The following IP6K1 variants were observed in gnomAD, a reference collection of about 807,000 sequenced individuals.
IP6K1 encodes inositol hexakisphosphate kinase 1.
A neutral mutation model predicts 38.3 loss-of-function variants in IP6K1; 13 were observed. The observed-to-expected ratio is 0.34, with a 90% CI of 0.22 to 0.54. The LOEUF (loss-of-function observed/expected upper bound fraction) is 0.54, where lower values mean the gene tolerates loss of function less well. Among genes scored for constraint, IP6K1 ranks in the 20% least tolerant of loss-of-function variants. The probability of loss-of-function intolerance (pLI) is 0.92; values close to 1 mark genes in which losing one functional copy is unlikely to be tolerated. For missense variants in IP6K1, 397 were observed against 599.8 expected (o/e 0.66, Z 3.53); for synonymous variants, 212 against 229.9 (o/e 0.92, Z 0.70).
Position 49,771,083 on chromosome 3 carries a change from C to T in IP6K1, c.-129+15271G>A, listed in dbSNP as rs543898736. Among the ~76,000 whole-genome samples, 19 of 151,320 alleles carry T rather than the reference C, an allele frequency of 1.3e-4. No homozygotes were observed. The South Asian group carries it at 2.3e-3, about 18-fold the overall frequency. On this transcript the variant is annotated intron_variant, in intron 1 of 5. Coordinates refer to ENST00000321599, the MANE Select transcript of IP6K1 (RefSeq NM_153273.4). Reference sequence around the variant, plus strand: ...ACACTAAGTTATGATCACGCTACTACACTCCAGCCTGGGCAACAGAGCAAG... The same window carrying T: ...ACACTAAGTTATGATCACGCTACTATACTCCAGCCTGGGCAACAGAGCAAG...
At position 49,738,995 on chromosome 3, in the gene IP6K1, G is replaced by A. The variant is rs527624784; in HGVS notation, c.224-573C>T. On this transcript the variant is annotated intron_variant, in intron 2 of 5. Transcript: ENST00000321599. The stretch of plus-strand genomic sequence containing the variant: ...TCCTTCTGTTTGCCGTGCTGTATCC[G>A]TAATAGTTTTTTGTGCCCATTTTAA... Among the ~76,000 whole-genome samples, 16 of 152,260 alleles carry A rather than the reference G, an allele frequency of 1.1e-4. No homozygotes were observed. In the Middle Eastern group the frequency reaches 0.017, roughly 162 times the overall value.
At chr3:49,732,539 A>G (rs1281059169) in intron 4 of IP6K1, among the ~76,000 whole-genome samples, 1 of 152,232 alleles carries the variant, frequency 6.6e-6, no homozygotes, top group Non-Finnish European at 1.5e-5. Context: ...TGAAAAGCAC[A>G]CAGAATTACA....
At chr3:49,774,815 ACT>A (rs1369911586) in intron 1 of IP6K1, among the ~76,000 whole-genome samples, 1 of 152,158 alleles carries the variant, frequency 6.6e-6, no homozygotes, top group Non-Finnish European at 1.5e-5. Context: ...GTTATTGAAT[ACT>A]GAGTCACTGC....
intron 4 of IP6K1, 101 bp from the exon 5 acceptor site, chr3:49,728,379 AG>A: frequency 9.2e-7 from 1 of 1,084,038 alleles, no homozygotes; most frequent in Non-Finnish European, 1.4e-6. Context: ...TACCTAATGC[AG>A]TATGTACTTG....
At chr3:49,761,589 G>A (rs1260515654) in intron 1 of IP6K1, among the ~76,000 whole-genome samples, 2 of 149,484 alleles carry the variant, frequency 1.3e-5, no homozygotes, top group Non-Finnish European at 3.0e-5. Context: ...ACTCCAGCCT[G>A]GGCAACAGCG....
intron 2 of IP6K1, among the ~76,000 whole-genome samples, chr3:49,743,840 G>A (rs1055316420): frequency 4.0e-5 from 6 of 151,526 alleles, no homozygotes; most frequent in Non-Finnish European, 7.4e-5. Context: ...GGCTGGTCTC[G>A]AACTCCTGAC....
At position 49,727,867 on chromosome 3, in the gene IP6K1, G is replaced by C. The variant is rs1437476104; in HGVS notation, c.793-212C>G. ...CAGGCCTATGGGTTCCCTGCCCCCA[G>C]CTTTGGAGCCCTCCTCCAACATCGG... On this transcript the variant is annotated intron_variant, in intron 5 of 5. Coordinates refer to ENST00000321599, the MANE Select transcript of IP6K1 (RefSeq NM_153273.4). This position sits in a 1 kb window ranked among gnomAD's most constrained non-coding sequence, Gnocchi z 5.9. 3.3e-5 allele frequency among the ~76,000 whole-genome samples: 5 copies of C among 152,216 alleles called. No individual in the cohort carries two copies. Among genetic ancestry groups the C allele is most frequent in the African/African-American group, 1.2e-4 (5 of 41,454 alleles).
intron 1 of IP6K1, among the ~76,000 whole-genome samples, chr3:49,753,148 T>G (rs1480746853): frequency 3.3e-5 from 5 of 152,122 alleles, no homozygotes. Context: ...CTCTCTGCCT[T>G]CACTTCCTAC....
rs970016288 is a variant in IP6K1 at position 49,738,435 on chromosome 3, G to GGGC, written c.224-16_224-14dup. 4 of 1,607,628 alleles carry GGGC rather than the reference G, an allele frequency of 2.5e-6. No individual in the cohort carries two copies. The highest frequency in any genetic ancestry group is 3.4e-6 in the Non-Finnish European group (4 of 1,174,234). On this transcript the variant is annotated splice_polypyrimidine_tract_variant and intron_variant, in intron 2 of 5. Transcript: ENST00000321599. ...ACAGATACCACGCCTGTTAAAAAAA[G>GGGC]GGCAGTTGGTAAACAAATGTCAACA...
At chr3:49,760,442 G>A (rs983776858) in intron 1 of IP6K1, among the ~76,000 whole-genome samples, 3 of 152,100 alleles carry the variant, frequency 2.0e-5, no homozygotes, top group African/African-American at 2.4e-5. Context: ...TGGCCAACAC[G>A]GTGAAACCCC....
intron 1 of IP6K1, among the ~76,000 whole-genome samples, chr3:49,778,681 A>T (rs981187762): frequency 5.9e-5 from 9 of 152,028 alleles, no homozygotes; most frequent in Non-Finnish European, 1.3e-4. Flanking sequence ...GCTGGAGTGC[A>T]GTGGCCCAAC....
intron 1 of IP6K1, among the ~76,000 whole-genome samples, chr3:49,778,298 C>T (rs1375352052): frequency 6.7e-6 from 1 of 148,400 alleles, no homozygotes; most frequent in East Asian, 2.0e-4. Context: ...GCACTCCAGC[C>T]TGGGCAACAA....
At chr3:49,771,321 G>A (rs2080957547) in intron 1 of IP6K1, among the ~76,000 whole-genome samples, 1 of 151,546 alleles carries the variant, frequency 6.6e-6, no homozygotes, top group African/African-American at 2.4e-5. Context: ...AACATAGGGA[G>A]GCCCTATCTC....
chr3:49,782,398 T>C (rs1265888386), intron 1 of IP6K1, among the ~76,000 whole-genome samples: 1 of 152,008 alleles, frequency 6.6e-6, no homozygotes. Context: ...ATGGAACTCC[T>C]GACCTCGTGA....
chr3:49,727,404 G>A lies in IP6K1; in HGVS notation c.1044C>T (p.Ser348=). ...GCATCTCAGACCGGCGGTCCAGGCA[G>A]GACTCAGCCCGGCACTCCTTGCCAT... is the stretch of plus-strand genomic sequence containing the variant. The part of the protein sequence containing the change: ...IYDGKECRAE[S]CLDRRSEMRL... The change falls in exon 6 of 6, where the codon TCC becomes TCT. Residue 348 remains serine (S), a synonymous_variant. Transcript: ENST00000321599. The surrounding 1 kb of genome is among the most constrained non-coding windows in gnomAD (Gnocchi z 5.9). 6.2e-7 allele frequency: 1 copy of A among 1,614,052 alleles called. No homozygotes were observed. The highest frequency in any genetic ancestry group is 8.5e-7 in the Non-Finnish European group (1 of 1,180,018).
intron 1 of IP6K1, among the ~76,000 whole-genome samples, chr3:49,751,286 T>C (rs954570430): frequency 1.3e-5 from 2 of 151,990 alleles, no homozygotes; most frequent in African/African-American, 4.8e-5. Flanking sequence ...CTCAGCCTCC[T>C]GAGTAACTGG....
rs568691936 is a variant in IP6K1 at position 49,749,290 on chromosome 3, T to G, written c.-128-1122A>C. ...CTACTTTAAATCTATGGTTGTCAAT[T>G]TATGACCATTCCCTTTCTGTCTGAC... On this transcript the variant is annotated intron_variant, in intron 1 of 5. Coordinates refer to ENST00000321599, the MANE Select transcript of IP6K1 (RefSeq NM_153273.4). Among the ~76,000 whole-genome samples, 10 of 152,158 alleles carry G rather than the reference T, an allele frequency of 6.6e-5. No individual in the cohort carries two copies. In the East Asian group the frequency reaches 1.9e-3, roughly 29 times the overall value.
chr3:49,735,396 G>A (rs905482978), intron 3 of IP6K1, among the ~76,000 whole-genome samples: 1 of 152,142 alleles, frequency 6.6e-6, no homozygotes, highest in African/African-American at 2.4e-5. Flanking sequence ...ACCCTAAAGC[G>A]CTGTTCAGAG....
At chr3:49,760,616 TTC>T (rs2080860004) in intron 1 of IP6K1, among the ~76,000 whole-genome samples, 1 of 122,726 alleles carries the variant, frequency 8.1e-6, no homozygotes, top group African/African-American at 3.5e-5. Flanking sequence ...AGAGTGAGAC[TTC>T]GTCTCAAAAA....
Sources: allele counts gnomAD v4.1 joint callset (sites outside exome capture counted in the v4.1 genomes callset), GRCh38; gene constraint gnomAD v4.1.1; non-coding constraint Gnocchi (gnomAD v3.1); transcripts MANE v1.5; gene names NCBI Gene and HGNC (gene_info 2026-07-23, HGNC 2026-07-21).